The following TCF3 variants were observed in gnomAD, a reference collection of about 807,000 sequenced individuals.
TCF3 encodes the protein transcription factor 3, also known as transcription factor E2-alpha.
TCF3 carries 54 observed loss-of-function variants against 72.3 expected under a neutral mutation model. The observed-to-expected ratio is 0.75, with a 90% CI of 0.60 to 0.94. The LOEUF (loss-of-function observed/expected upper bound fraction) is 0.94. Among genes scored for constraint, TCF3 ranks in the 40% least tolerant of loss-of-function variants. The pLI is 0.00. For synonymous variants in TCF3, 525 were observed against 412.6 expected, an observed-to-expected ratio of 1.27 and a Z score of -3.30; for missense variants, 1,078 against 934.4, an observed-to-expected ratio of 1.15 and a Z score of -2.00.
At chr19:1,616,646 C>G in intron 16 of TCF3, 1 of 152,204 alleles carries the variant, frequency 6.6e-6, no homozygotes, top group Non-Finnish European at 1.5e-5. Flanking sequence ...CTGACTCACG[C>G]CTGTGATCCC....
Position 1,627,404 on chromosome 19 carries a change from G to C in TCF3, c.321C>G (p.Ala107=). 1 of 1,612,062 alleles carries C rather than the reference G, an allele frequency of 6.2e-7. No individual in the cohort carries two copies. The highest frequency in any genetic ancestry group is 8.5e-7 in the Non-Finnish European group (1 of 1,179,736). Reference sequence around the variant, plus strand: ...CTGCGTCTCTCCCGAAGGAGGCATAGGCGCCCCGCTCACCGCTCTTGCCTG... The same window carrying C: ...CTGCGTCTCTCCCGAAGGAGGCATACGCGCCCCGCTCACCGCTCTTGCCTG... The part of the protein sequence containing the change: ...GLGGKSGERG[A]YASFGRDAGV... Residue 107 remains alanine, a synonymous_variant, in exon 6 of 19, where the codon GCC becomes GCG. Transcript: ENST00000262965.
chr19:1,627,282 C>G (rs2063001672), intron 6 of TCF3, 77 bp downstream of exon 6: 3 of 1,297,880 alleles, frequency 2.3e-6, no homozygotes, highest in Admixed American at 4.4e-5. Flanking sequence ...GCCAGGAGAG[C>G]TTCTGCAGAT....
chr19:1,617,691 G>A (rs1171451489), intron 16 of TCF3, among the ~76,000 whole-genome samples: 1 of 152,240 alleles, frequency 6.6e-6, no homozygotes, highest in African/African-American at 2.4e-5. Context: ...AGCACACGAA[G>A]TGAAGGACAG....
chr19:1,623,868 T>C, intron 8 of TCF3, 83 bp downstream of exon 8: 4 of 1,434,154 alleles, frequency 2.8e-6, no homozygotes, highest in South Asian at 1.2e-5. Flanking sequence ...CCCCGCCATG[T>C]GTGTTCCCAA....
chr19:1,645,114 C>G (rs1254070346), intron 3 of TCF3, among the ~76,000 whole-genome samples: 2 of 152,054 alleles, frequency 1.3e-5, no homozygotes, highest in Non-Finnish European at 2.9e-5. Flanking sequence ...TGTGGGGGTG[C>G]AAGTGCCCAA....
chr19:1,631,267 T>A (rs553820085), intron 5 of TCF3, among the ~76,000 whole-genome samples: 1 of 146,058 alleles, frequency 6.8e-6, no homozygotes, highest in Non-Finnish European at 1.5e-5. Context: ...GGCCTGAGTC[T>A]TCATTCTTTT....
rs1483291839 is a variant in TCF3 at position 1,615,187 on chromosome 19, G to A, written c.1822+98C>T. 7.1e-7 allele frequency: 1 copy of A among 1,415,472 alleles called. No individual in the cohort carries two copies. The highest frequency in any genetic ancestry group is 1.4e-5 in the African/African-American group (1 of 69,590). The allele number at this position is 1,415,472 out of a possible 1,614,324, so 87.7% of individuals were successfully genotyped here. A position where few individuals can be genotyped will look rare whatever the true frequency, so the allele number is the denominator to read the frequency against. Reference sequence around the variant, plus strand: ...AAGGAGGCAACTGCTGCAGAGGGAGGGCTGGCTCCAGGAAGGCGGGCGGGG... The same window carrying A: ...AAGGAGGCAACTGCTGCAGAGGGAGAGCTGGCTCCAGGAAGGCGGGCGGGG... On this transcript the variant is annotated intron_variant, in intron 18 of 18. Transcript: ENST00000262965. The surrounding 1 kb of genome is among the most constrained non-coding windows in gnomAD (Gnocchi z 7.3).
At chr19:1,637,311 T>G (rs10407258) in intron 3 of TCF3, among the ~76,000 whole-genome samples, 89 of 141,896 alleles carry the variant, frequency 6.3e-4, no homozygotes, top group Admixed American at 6.0e-3. Flanking sequence ...CAACCTCCTC[T>G]ACCAGAACCG....
At chr19:1,643,168 T>C (rs895118174) in intron 3 of TCF3, among the ~76,000 whole-genome samples, 10 of 152,200 alleles carry the variant, frequency 6.6e-5, no homozygotes, top group Non-Finnish European at 1.3e-4. Context: ...TGTCTTCCGA[T>C]CCAGACAACC....
intron 3 of TCF3, among the ~76,000 whole-genome samples, chr19:1,642,643 C>T (rs570155836): frequency 1.3e-3 from 200 of 152,300 alleles, no homozygotes; most frequent in Non-Finnish European, 1.9e-3. Flanking sequence ...TCTTTGTCAC[C>T]TATTAAATGA....
rs141763917 is a variant in TCF3, at chr19:1,637,913, A to G, written c.146-5508T>C. Among the ~76,000 whole-genome samples the G allele has an allele frequency of 6.2e-3, 949 of 152,306 alleles. 17 individuals are homozygous for G. Among genetic ancestry groups the G allele is most frequent in the African/African-American group, 0.021 (892 of 41,560 alleles). On this transcript the variant is annotated intron_variant, in intron 3 of 18. Coordinates refer to ENST00000262965, the MANE Select transcript of TCF3 (RefSeq NM_003200.5). ...AATAGAGCGAGACTCCACCTCAAAA[A>G]AAAAAGAAAAAGAAAAAGAGACACA...
chr19:1,619,892 G>A (rs372470621), intron 13 of TCF3, 39 bp from the exon 14 acceptor site: 56 of 1,515,082 alleles, frequency 3.7e-5, no homozygotes, highest in South Asian at 2.3e-4. Flanking sequence ...TGCGAGGGGC[G>A]GGGTGTGAGC....
At chr19:1,622,286 C>T (rs1327730254) in intron 9 of TCF3, 27 bp downstream of exon 9, 2 of 1,505,244 alleles carry the variant, frequency 1.3e-6, no homozygotes, top group East Asian at 2.4e-5. Flanking sequence ...CCTACCGTCC[C>T]TGGCGAGCCC....
chr19:1,644,993 G>A (rs540709739), intron 3 of TCF3, among the ~76,000 whole-genome samples: 37 of 152,248 alleles, frequency 2.4e-4, no homozygotes, highest in Non-Finnish European at 2.6e-4. Context: ...GGTGGCGTTT[G>A]GGGATTTCCA....
intron 18 of TCF3, chr19:1,612,328 C>T: frequency 1.2e-6 from 2 of 1,613,976 alleles, no homozygotes; most frequent in Non-Finnish European, 1.7e-6. Context: ...CCCGGAAGGC[C>T]TCGTTAATAT....
chr19:1,633,322 C>T (rs1716944651), intron 3 of TCF3, among the ~76,000 whole-genome samples: 1 of 152,100 alleles, frequency 6.6e-6, no homozygotes, highest in South Asian at 2.1e-4. Context: ...CAAACAGGCC[C>T]TACTTTTGCA....
chr19:1,617,596 G>A (rs1380513022), intron 16 of TCF3, among the ~76,000 whole-genome samples: 1 of 152,230 alleles, frequency 6.6e-6, no homozygotes. Flanking sequence ...GTACCCTGAG[G>A]GGGAGCCTCA....
chr19:1,646,974 C>T (rs1258012495), intron 2 of TCF3, among the ~76,000 whole-genome samples: 1 of 152,180 alleles, frequency 6.6e-6, no homozygotes, highest in Non-Finnish European at 1.5e-5. Context: ...GGCCCAGTGT[C>T]CCCCTACCAG....
At chr19:1,612,882 G>A (rs567575731) in intron 18 of TCF3, among the ~76,000 whole-genome samples, 37 of 151,324 alleles carry the variant, frequency 2.4e-4, no homozygotes, top group Middle Eastern at 3.5e-3. Context: ...CAGGTACATG[G>A]CTGGTGTGGG....
Sources: allele counts gnomAD v4.1 joint callset (sites outside exome capture counted in the v4.1 genomes callset), GRCh38; gene constraint gnomAD v4.1.1; non-coding constraint Gnocchi (gnomAD v3.1); transcripts MANE v1.5; gene names NCBI Gene and HGNC (gene_info 2026-07-23, HGNC 2026-07-21).